Variants in SPEG observed in about 807,000 individuals in gnomAD.
SPEG encodes the protein striated muscle enriched protein kinase.
A neutral mutation model predicts 300.4 loss-of-function variants in SPEG; 114 were observed. That is an observed-to-expected ratio of 0.38 (90% CI 0.33 to 0.44). The LOEUF (loss-of-function observed/expected upper bound fraction) is 0.44, where lower values mean the gene tolerates loss of function less well. Ranked by LOEUF, SPEG falls within the 20% of genes least tolerant of loss-of-function variation. The pLI is 1.00. For synonymous variants in SPEG, 1,964 were observed against 2,018.9 expected (o/e 0.97, Z 0.73); for missense variants, 4,201 against 4,586.2 (o/e 0.92, Z 2.43).
rs1689547338 is a variant in SPEG, at chr2:219,449,148, C to T, written c.1990C>T (p.Pro664Ser). 1.4e-6 allele frequency: 2 copies of T among 1,431,630 alleles called. No homozygotes were observed. Among genetic ancestry groups the T allele is most frequent in the Non-Finnish European group, 1.8e-6 (2 of 1,092,684 alleles). 88.7% of individuals were successfully genotyped at this position (1,431,630 alleles called of 1,614,324 possible). A position where few individuals can be genotyped will look rare whatever the true frequency, so the allele number is the denominator to read the frequency against. The change falls in exon 4 of 41, where the codon CCT (proline) becomes TCT (serine). Residue 664 changes from proline (P) to serine (S), a missense_variant. By Grantham distance (74) the Pro-to-Ser change is moderately conservative (BLOSUM62 -1). Coordinates refer to ENST00000312358, the MANE Select transcript of SPEG (RefSeq NM_005876.5). ...GACCTTGGAGAAGAACAGGGCGGGG[C>T]CTGAGGCAGAGAAGAGGCTTCGCAG... ...PQTLEKNRAG[P>S]EAEKRLRRGP...
At chr2:219,470,172 A>G (rs1484331241) in intron 13 of SPEG, among the ~76,000 whole-genome samples, 3 of 152,230 alleles carry the variant, frequency 2.0e-5, no homozygotes, top group South Asian at 2.1e-4. Context: ...AAGGTATGAC[A>G]AGGACCATCT....
At chr2:219,446,173 G>A (rs574141790) in intron 3 of SPEG, among the ~76,000 whole-genome samples, 9 of 152,148 alleles carry the variant, frequency 5.9e-5, no homozygotes, top group East Asian at 3.9e-4. Flanking sequence ...GCTGGGCCAC[G>A]GCCAGGGGGA....
In SPEG at chr2:219,489,682, T is replaced by G; in HGVS notation, c.8664T>G (p.Pro2888=). The G allele has an allele frequency of 1.9e-6, 3 of 1,614,088 alleles. No individual in the cohort carries two copies. Among genetic ancestry groups the G allele is most frequent in the Non-Finnish European group, 2.5e-6 (3 of 1,180,008 alleles). Residue 2888 remains proline, a synonymous_variant, in exon 36 of 41, where the codon CCT becomes CCG. Transcript: ENST00000312358. The stretch of plus-strand genomic sequence containing the variant: ...GGACCCCGATCCCAGCCTCCACTCC[T>G]CAAGGGGTTAAACCAGTGTCTTCCT... ...DTGTPIPAST[P]QGVKPVSSST...
chr2:219,489,405 C>T lies in SPEG; in HGVS notation c.8387C>T (p.Pro2796Leu), dbSNP rs1693754615. ...ACCTCAAGGCCAGCCAGGGCCCGGC[C>T]TCCTGACTCTCCTACCTCACTGGCC... ...PVTSRPARAR[P>L]PDSPTSLAPP... Residue 2796 changes from proline (P) to leucine (L), a missense_variant, in exon 36 of 41, where the codon CCT (proline) becomes CTT (leucine). Around this residue, in one of 4 missense-constraint regions of SPEG, gnomAD observed 1,578 missense variants for 1,506.0 expected, o/e 1.05. Coordinates refer to ENST00000312358, the MANE Select transcript of SPEG (RefSeq NM_005876.5). The T allele has an allele frequency of 3.1e-6, 5 of 1,613,502 alleles. No homozygotes were observed. In the South Asian group the frequency reaches 4.4e-5, roughly 14 times the overall value.
At chr2:219,452,023 C>A (rs1382319302) in intron 6 of SPEG, among the ~76,000 whole-genome samples, 1 of 152,250 alleles carries the variant, frequency 6.6e-6, no homozygotes, top group African/African-American at 2.4e-5. Flanking sequence ...CCAAGGCGCA[C>A]AGAAGGCTGG....
intron 38 of SPEG, 47 bp downstream of exon 38, chr2:219,491,003 A>C (rs1559436922): frequency 1.3e-6 from 2 of 1,498,640 alleles, no homozygotes; most frequent in South Asian, 1.2e-5. Context: ...GCCCTGCCAG[A>C]GAGGCAGCAG....
intron 1 of SPEG, chr2:219,441,912 C>T (rs1387885626): frequency 4.5e-6 from 1 of 223,850 alleles, no homozygotes; most frequent in African/African-American, 2.3e-5. Context: ...CCACCCGGCT[C>T]CCGAGGCCCC....
intron 6 of SPEG, among the ~76,000 whole-genome samples, chr2:219,456,235 G>A (rs1237286870): frequency 1.3e-5 from 2 of 152,250 alleles, no homozygotes; most frequent in African/African-American, 4.8e-5. Context: ...CAAAAACAAG[G>A]AAGAAAACCT....
Position 219,464,348 on chromosome 2 carries a change from G to A in SPEG, c.2706-85G>A, listed in dbSNP as rs957658394. ...TGGGCAAACTGCACAGGGAAGGAGA[G>A]GCCTGCACAGTGCTGCAGCCCCAGT... On this transcript the variant is annotated intron_variant, in intron 8 of 40. Transcript: ENST00000312358. The surrounding 1 kb of genome is among the most constrained non-coding windows in gnomAD (Gnocchi z 4.5). 49 of 1,387,222 alleles carry A rather than the reference G, an allele frequency of 3.5e-5. No homozygotes were observed. In the African/African-American group the frequency reaches 6.1e-4, roughly 17 times the overall value. The allele number at this position is 1,387,222 out of a possible 1,614,324, so 85.9% of individuals were successfully genotyped here. A position where few individuals can be genotyped will look rare whatever the true frequency, so the allele number is the denominator to read the frequency against.
chr2:219,468,491 C>A, intron 10 of SPEG, 87 bp from the exon 11 acceptor site: 1 of 1,465,304 alleles, frequency 6.8e-7, no homozygotes, highest in Non-Finnish European at 9.2e-7. Context: ...CTCCAGCTTC[C>A]TGCTCAGCCT....
chr2:219,451,368 G>A lies in SPEG; in HGVS notation c.2257+89G>A, dbSNP rs1689733481. The A allele has an allele frequency of 1.3e-6, 2 of 1,484,188 alleles. No homozygotes were observed. The highest frequency in any genetic ancestry group is 1.4e-5 in the South Asian group (1 of 73,284). The allele number at this position is 1,484,188 out of a possible 1,614,324, so 91.9% of individuals were successfully genotyped here. A position where few individuals can be genotyped will look rare whatever the true frequency, so the allele number is the denominator to read the frequency against. ...GGAGGTTCCCCCGGACTCCTCCAAG[G>A]GAGGGGTGGGAAAGAGGGGAATTAT... On this transcript the variant is annotated intron_variant, in intron 5 of 40. Transcript: ENST00000312358. This position sits in a 1 kb window ranked among gnomAD's most constrained non-coding sequence, Gnocchi z 6.4.
Position 219,434,958 on chromosome 2 carries a change from C to A in SPEG, c.-20C>A. ...TGGCCGCCCAGTTCCGGCGTCCCCC[C>A]AGCCCAGCTCTCAGTGGCCATGCAG... On this transcript the variant is annotated 5_prime_UTR_variant, in exon 1 of 41. Coordinates refer to ENST00000312358, the MANE Select transcript of SPEG (RefSeq NM_005876.5). 6.7e-7 allele frequency: 1 copy of A among 1,492,602 alleles called. No individual in the cohort carries two copies. The highest frequency in any genetic ancestry group is 8.9e-7 in the Non-Finnish European group (1 of 1,129,418). The allele number at this position is 1,492,602 out of a possible 1,614,324, so 92.5% of individuals were successfully genotyped here. A position where few individuals can be genotyped will look rare whatever the true frequency, so the allele number is the denominator to read the frequency against.
intron 6 of SPEG, chr2:219,461,433 G>T: frequency 9.7e-7 from 1 of 1,028,402 alleles, no homozygotes; most frequent in Non-Finnish European, 1.2e-6. Context: ...TCTGCACCAG[G>T]CCCAGCTCAC....
chr2:219,435,178 CGGGACG>C lies in SPEG; in HGVS notation c.202_207del (p.Gly68_Thr69del), dbSNP rs778934904. 93 of 1,477,382 alleles carry C rather than the reference CGGGACG, an allele frequency of 6.3e-5. No homozygotes were observed. Among genetic ancestry groups the C allele is most frequent in the Non-Finnish European group, 7.7e-5 (86 of 1,123,576 alleles). The allele number at this position is 1,477,382 out of a possible 1,614,324, so 91.5% of individuals were successfully genotyped here. On this transcript the variant is annotated inframe_deletion, in exon 1 of 41. Coordinates refer to ENST00000312358, the MANE Select transcript of SPEG (RefSeq NM_005876.5). The stretch of plus-strand genomic sequence containing the variant: ...ACGTGCGGCTGCGGGTGGTGGTGAG[CGGGACG>C]CCCCAGCCCAGCCTCCGCTGGTTCC...
In SPEG at chr2:219,444,663, G is replaced by C. The variant is rs777554732; in HGVS notation, c.399G>C (p.Thr133=). 5 of 1,613,846 alleles carry C rather than the reference G, an allele frequency of 3.1e-6. No homozygotes were observed. Among genetic ancestry groups the C allele is most frequent in the Non-Finnish European group, 4.2e-6 (5 of 1,179,882 alleles). ...CCCCTTCTTCTCCAGACTCAGAGACGGCTGAGGATGACATCAGCGATGTGC... is the reference window on the plus strand; with the variant it reads ...CCCCTTCTTCTCCAGACTCAGAGACCGCTGAGGATGACATCAGCGATGTGC... The part of the protein sequence containing the change: ...LTVLEVGDSE[T]AEDDISDVQG... The change falls in exon 2 of 41, where the codon ACG becomes ACC. Residue 133 remains threonine, a synonymous_variant. Coordinates refer to ENST00000312358, the MANE Select transcript of SPEG (RefSeq NM_005876.5). This position sits in a 1 kb window ranked among gnomAD's most constrained non-coding sequence, Gnocchi z 7.8.
intron 18 of SPEG, among the ~76,000 whole-genome samples, chr2:219,475,328 A>G (rs1692239372): frequency 6.6e-6 from 1 of 152,222 alleles, no homozygotes; most frequent in African/African-American, 2.4e-5. Flanking sequence ...TCATGGGTAA[A>G]TGGACATTTT....
At chr2:219,471,708 AT>A in intron 13 of SPEG, 159 bp from the exon 14 acceptor site, 2 of 819,212 alleles carry the variant, frequency 2.4e-6, no homozygotes, top group Non-Finnish European at 3.8e-6. Context: ...TGCACCATGG[AT>A]GCACTTCTTG....
At chr2:219,441,998 G>A in intron 1 of SPEG, 1 of 411,096 alleles carries the variant, frequency 2.4e-6, no homozygotes, top group Non-Finnish European at 3.9e-6. Flanking sequence ...ACTCCGCCCC[G>A]CCCCCGCCCG....
In SPEG at chr2:219,484,146, C is replaced by A. The variant is rs1693142906; in HGVS notation, c.6683C>A (p.Pro2228His). ...CCAGAACCAGTCCGAGCCTCCAAGC[C>A]TGCACCACCCCCCCAGGCCCTGCAA... The part of the protein sequence containing the change: ...PRPEPVRASK[P>H]APPPQALQTL... Residue 2228 changes from proline (P) to histidine (H), a missense_variant, in exon 30 of 41, where the codon CCT becomes CAT. Around this residue, in one of 4 missense-constraint regions of SPEG, gnomAD observed 1,578 missense variants for 1,506.0 expected, o/e 1.05. Transcript: ENST00000312358. 6.2e-7 allele frequency: 1 copy of A among 1,613,612 alleles called. No individual in the cohort carries two copies. Among genetic ancestry groups the A allele is most frequent in the Non-Finnish European group, 8.5e-7 (1 of 1,179,988 alleles).
Sources: gnomAD v4.1 joint callset for allele counts (sites outside exome capture counted in the v4.1 genomes callset) on GRCh38, gnomAD v4.1.1 for gene constraint, gnomAD v4.1.1 regional missense constraint, Gnocchi (gnomAD v3.1) non-coding constraint, MANE v1.5 for transcripts, NCBI Gene and HGNC (gene_info 2026-07-23, HGNC 2026-07-21) for gene names.